The following ROBO2 variants were observed in gnomAD, a reference collection of about 807,000 sequenced individuals.
ROBO2 encodes roundabout guidance receptor 2.
In ROBO2, 53 loss-of-function variants were observed where a neutral mutation model predicts 160.8. The observed-to-expected ratio is 0.33, with a 90% CI of 0.26 to 0.41. The LOEUF (loss-of-function observed/expected upper bound fraction) is 0.41. Ranked by LOEUF, ROBO2 falls within the 10% of genes least tolerant of loss-of-function variation. The pLI is 1.00. For missense variants in ROBO2, 1,577 were observed against 1,722.4 expected (o/e 0.92, Z 1.49); for synonymous variants, 664 against 611.7 (o/e 1.09, Z -1.26).
intron 2 of ROBO2, among the ~76,000 whole-genome samples, chr3:76,487,041 C>T (rs905780265): frequency 1.3e-5 from 2 of 152,154 alleles, no homozygotes; most frequent in Non-Finnish European, 2.9e-5. Context: ...ACAGTCATAG[C>T]TCATGACAGC....
At chr3:76,148,247 C>G (rs1457065701) in intron 2 of ROBO2, among the ~76,000 whole-genome samples, 1 of 151,980 alleles carries the variant, frequency 6.6e-6, no homozygotes, top group Non-Finnish European at 1.5e-5. Context: ...TAAACCAACT[C>G]TCAACTACCT....
At chr3:76,401,734 C>T (rs1226005669) in intron 2 of ROBO2, among the ~76,000 whole-genome samples, 1 of 148,618 alleles carries the variant, frequency 6.7e-6, no homozygotes, top group Non-Finnish European at 1.5e-5. Context: ...TTTACTCTGA[C>T]AAGAACAAAA....
intron 2 of ROBO2, among the ~76,000 whole-genome samples, chr3:76,322,261 G>A (rs1339607982): frequency 7.0e-6 from 1 of 143,470 alleles, no homozygotes; most frequent in Non-Finnish European, 1.5e-5. Context: ...AACTAAATTA[G>A]TATATAAATC....
At chr3:76,641,899 G>A (rs1160660438) in intron 2 of ROBO2, among the ~76,000 whole-genome samples, 1 of 152,010 alleles carries the variant, frequency 6.6e-6, no homozygotes, top group African/African-American at 2.4e-5. Flanking sequence ...CACCATGCCT[G>A]GCTAATTTTT....
At chr3:76,076,758 A>G (rs1394602832) in intron 2 of ROBO2, among the ~76,000 whole-genome samples, 3 of 152,208 alleles carry the variant, frequency 2.0e-5, no homozygotes, top group Admixed American at 6.5e-5. Flanking sequence ...CTGTCTTCCA[A>G]AAGAGCATAT....
chr3:76,292,295 C>T (rs1708843343), intron 2 of ROBO2, among the ~76,000 whole-genome samples: 1 of 152,166 alleles, frequency 6.6e-6, no homozygotes, highest in African/African-American at 2.4e-5. Flanking sequence ...GTTAGCACCA[C>T]ACGAATTAAC....
At chr3:76,686,765 T>C (rs1437009881) in intron 2 of ROBO2, among the ~76,000 whole-genome samples, 1 of 152,034 alleles carries the variant, frequency 6.6e-6, no homozygotes, top group Non-Finnish European at 1.5e-5. Flanking sequence ...AAGACCAGCC[T>C]TGGCAAACAA....
At chr3:76,925,381 C>A (rs78359182) in intron 2 of ROBO2, among the ~76,000 whole-genome samples, 3,393 of 152,048 alleles carry the variant, frequency 0.022, 127 homozygotes, top group African/African-American at 0.077. Flanking sequence ...GATATTAAGT[C>A]TTTGGAAAAT....
chr3:77,381,791 C>G (rs557292786), intron 2 of ROBO2, among the ~76,000 whole-genome samples: 7 of 152,318 alleles, frequency 4.6e-5, no homozygotes, highest in African/African-American at 1.7e-4. Context: ...GATTCTCCTC[C>G]TTTACTTTTG....
At chr3:75,932,138 C>T (rs1245884367) in intron 1 of ROBO2, among the ~76,000 whole-genome samples, 1 of 152,062 alleles carries the variant, frequency 6.6e-6, no homozygotes. Context: ...TTACTCACTT[C>T]AAGAATTGCA....
chr3:77,123,065 T>A lies in ROBO2; in HGVS notation c.388+24725T>A, dbSNP rs141951570. 9.0e-3 allele frequency among the ~76,000 whole-genome samples: 1,375 copies of A among 152,246 alleles called. 12 individuals carry two copies. The highest frequency in any genetic ancestry group is 0.014 in the Middle Eastern group (4 of 294). ...AATAAAAGCAAAGACAAGTTTAGGA[T>A]CTGAACTCTGAAAAGCAGTTTGCCA... On this transcript the variant is annotated intron_variant, in intron 2 of 25. Coordinates refer to ENST00000461745, the Ensembl canonical transcript of ROBO2.
intron 2 of ROBO2, among the ~76,000 whole-genome samples, chr3:77,168,014 A>G (rs2079262068): frequency 6.6e-6 from 1 of 152,236 alleles, no homozygotes; most frequent in Non-Finnish European, 1.5e-5. Context: ...AGAAAAAATA[A>G]TGAACTTAAT....
At chr3:76,148,998 C>T (rs1308495217) in intron 2 of ROBO2, among the ~76,000 whole-genome samples, 1 of 152,114 alleles carries the variant, frequency 6.6e-6, no homozygotes. Context: ...CTAGTTATAA[C>T]TCATCCAGAG....
At chr3:76,411,113 G>A (rs2075464008) in intron 2 of ROBO2, among the ~76,000 whole-genome samples, 1 of 151,970 alleles carries the variant, frequency 6.6e-6, no homozygotes, top group African/African-American at 2.4e-5. Context: ...AAAGTCCAAT[G>A]GCCATGAACA....
At chr3:76,035,049 C>T (rs764640659) in intron 2 of ROBO2, among the ~76,000 whole-genome samples, 7 of 152,064 alleles carry the variant, frequency 4.6e-5, no homozygotes, top group Non-Finnish European at 8.8e-5. Flanking sequence ...TAATCGCCTC[C>T]TCTTACATAG....
intron 6 of ROBO2, among the ~76,000 whole-genome samples, chr3:77,532,569 T>A (rs984031529): frequency 1.3e-5 from 2 of 151,952 alleles, no homozygotes; most frequent in Non-Finnish European, 2.9e-5. Context: ...ATATTGGCTT[T>A]CCTTAGTCTC....
chr3:75,992,512 A>G (rs893972708), intron 2 of ROBO2, among the ~76,000 whole-genome samples: 1 of 152,158 alleles, frequency 6.6e-6, no homozygotes. Context: ...AACCATCTGT[A>G]TGCCCAGGCA....
chr3:76,003,594 C>T (rs2065945565), intron 2 of ROBO2, among the ~76,000 whole-genome samples: 1 of 152,110 alleles, frequency 6.6e-6, no homozygotes, highest in Non-Finnish European at 1.5e-5. Context: ...ATACAGTTGG[C>T]CTTTCATGTG....
chr3:77,221,782 AT>A (rs2085828203), intron 2 of ROBO2, among the ~76,000 whole-genome samples: 1 of 152,112 alleles, frequency 6.6e-6, no homozygotes, highest in Non-Finnish European at 1.5e-5. Flanking sequence ...GTCCAAAAAA[AT>A]ATGCTATATA....
Sources: allele counts gnomAD v4.1 joint callset (sites outside exome capture counted in the v4.1 genomes callset), GRCh38; gene constraint gnomAD v4.1.1; transcripts MANE v1.5; gene names NCBI Gene and HGNC (gene_info 2026-07-23, HGNC 2026-07-21).